The following NKAIN2 variants were observed in gnomAD, a reference collection of about 807,000 sequenced individuals.
NKAIN2 encodes sodium/potassium-transporting ATPase subunit beta-1-interacting protein 2.
In NKAIN2, 14 loss-of-function variants were observed where a neutral mutation model predicts 32.6. That is an observed-to-expected ratio of 0.43 (90% CI 0.28 to 0.67). The LOEUF (loss-of-function observed/expected upper bound fraction) is 0.67, where lower values mean the gene tolerates loss of function less well. NKAIN2 is among the 30% of genes least tolerant of loss of function. The pLI, the probability that NKAIN2 is intolerant of heterozygous loss-of-function variation, is 0.17. For missense variants in NKAIN2, 198 were observed against 258.3 expected, an observed-to-expected ratio of 0.77 and a Z score of 1.60; for synonymous variants, 80 against 87.2, an observed-to-expected ratio of 0.92 and a Z score of 0.46.
intron 1 of NKAIN2, among the ~76,000 whole-genome samples, chr6:123,905,921 G>T (rs1774844477): frequency 6.6e-6 from 1 of 152,120 alleles, no homozygotes; most frequent in Admixed American, 6.5e-5. Flanking sequence ...TGTTAGTTTA[G>T]TGTGTATGTC....
At position 124,588,112 on chromosome 6, in the gene NKAIN2, G is replaced by A. The variant is rs186663710; in HGVS notation, c.274-70074G>A. 1.7e-3 allele frequency among the ~76,000 whole-genome samples: 255 copies of A among 152,158 alleles called. 1 individual carries two copies. The highest frequency in any genetic ancestry group is 4.1e-3 in the African/African-American group (172 of 41,500). The stretch of plus-strand genomic sequence containing the variant: ...TTGACTCTGTGTCATTTAAGTCTCC[G>A]TGACTTTTTATAGGTACAGATTTTA... On this transcript the variant is annotated intron_variant, in intron 3 of 6. Transcript: ENST00000368417.
At chr6:123,884,677 A>G (rs977118752) in intron 1 of NKAIN2, among the ~76,000 whole-genome samples, 2 of 152,076 alleles carry the variant, frequency 1.3e-5, no homozygotes, top group African/African-American at 2.4e-5. Context: ...TTTTAGGTTA[A>G]CAGTTTACAG....
chr6:124,625,010 T>TAAG (rs1021326308), intron 3 of NKAIN2, among the ~76,000 whole-genome samples: 1 of 152,174 alleles, frequency 6.6e-6, no homozygotes, highest in African/African-American at 2.4e-5. Context: ...AGTTCTATAC[T>TAAG]AAGATAATTA....
At chr6:124,104,866 C>T (rs1050831018) in intron 1 of NKAIN2, among the ~76,000 whole-genome samples, 1 of 152,186 alleles carries the variant, frequency 6.6e-6, no homozygotes, top group Non-Finnish European at 1.5e-5. Context: ...TGCTATGACA[C>T]AGGTAGCTAG....
intron 1 of NKAIN2, among the ~76,000 whole-genome samples, chr6:124,109,240 T>C (rs565696386): frequency 6.6e-6 from 1 of 152,120 alleles, no homozygotes; most frequent in African/African-American, 2.4e-5. Flanking sequence ...AATGCAGTGT[T>C]TTTTTGTAAA....
intron 4 of NKAIN2, among the ~76,000 whole-genome samples, chr6:124,682,327 T>G (rs1475480966): frequency 6.6e-6 from 1 of 152,102 alleles, no homozygotes; most frequent in Non-Finnish European, 1.5e-5. Flanking sequence ...TTAGAAAACT[T>G]CAAAAAGCTT....
intron 2 of NKAIN2, among the ~76,000 whole-genome samples, chr6:124,285,216 G>C (rs1247987368): frequency 6.6e-6 from 1 of 152,140 alleles, no homozygotes; most frequent in Non-Finnish European, 1.5e-5. Context: ...GGCTGGAGAT[G>C]ATGTAAATGA....
chr6:124,399,402 TC>T (rs1309691117), intron 3 of NKAIN2, among the ~76,000 whole-genome samples: 2 of 152,210 alleles, frequency 1.3e-5, no homozygotes, highest in Non-Finnish European at 2.9e-5. Flanking sequence ...TAGATTATCT[TC>T]CTCTGTGGCC....
intron 3 of NKAIN2, among the ~76,000 whole-genome samples, chr6:124,531,656 T>C (rs1409352983): frequency 2.0e-5 from 3 of 152,088 alleles, no homozygotes; most frequent in Non-Finnish European, 4.4e-5. Context: ...TATTTGAAAG[T>C]TTTTAAGTCA....
At position 123,900,340 on chromosome 6, in the gene NKAIN2, G is replaced by A. The variant is rs1774500601; in HGVS notation, c.54+96086G>A. ...CAAAAAATATTAGCTAGGCACGGTG[G>A]CACGTGCCTGTAGTCCCAGCTACTT... On this transcript the variant is annotated intron_variant, in intron 1 of 6. Transcript: ENST00000368417. 1.3e-5 allele frequency among the ~76,000 whole-genome samples: 2 copies of A among 151,728 alleles called. 1 individual carries two copies. The highest frequency in any genetic ancestry group is 4.2e-4 in the South Asian group (2 of 4,802).
chr6:123,838,573 G>A (rs762341050), intron 1 of NKAIN2, among the ~76,000 whole-genome samples: 10 of 152,212 alleles, frequency 6.6e-5, no homozygotes, highest in Admixed American at 4.6e-4. Context: ...GTAAAATGCC[G>A]TTTGATGAAA....
At chr6:124,235,456 G>T (rs1289067953) in intron 1 of NKAIN2, among the ~76,000 whole-genome samples, 1 of 152,084 alleles carries the variant, frequency 6.6e-6, no homozygotes, top group African/African-American at 2.4e-5. Flanking sequence ...CATTATGAAA[G>T]TAAGATTATA....
At chr6:124,465,812 A>C (rs2114659642) in intron 3 of NKAIN2, among the ~76,000 whole-genome samples, 1 of 152,194 alleles carries the variant, frequency 6.6e-6, no homozygotes, top group Admixed American at 6.6e-5. Flanking sequence ...ATGGAAAAAT[A>C]ATAATATATT....
At chr6:124,412,015 G>T (rs908024051) in intron 3 of NKAIN2, among the ~76,000 whole-genome samples, 2 of 152,092 alleles carry the variant, frequency 1.3e-5, no homozygotes, top group Non-Finnish European at 2.9e-5. Context: ...TTCTCGTGCC[G>T]TGGTTTTCAG....
intron 5 of NKAIN2, chr6:124,804,539 C>T (rs956274474): frequency 2.7e-5 from 9 of 327,360 alleles, no homozygotes; most frequent in Admixed American, 6.5e-5. Context: ...GGAACAGCTC[C>T]GGTCTACAGC....
At chr6:124,624,311 TAGA>T (rs1204319456) in intron 3 of NKAIN2, among the ~76,000 whole-genome samples, 1 of 152,132 alleles carries the variant, frequency 6.6e-6, no homozygotes, top group African/African-American at 2.4e-5. Context: ...TTGTCCACTC[TAGA>T]AGAATAAGAG....
intron 3 of NKAIN2, among the ~76,000 whole-genome samples, chr6:124,576,887 G>A (rs1031794601): frequency 2.0e-5 from 3 of 152,038 alleles, no homozygotes; most frequent in Non-Finnish European, 4.4e-5. Context: ...ACAAAACAGA[G>A]AAGAAAACTT....
chr6:124,518,307 A>AG (rs1778999649), intron 3 of NKAIN2, among the ~76,000 whole-genome samples: 1 of 148,988 alleles, frequency 6.7e-6, no homozygotes, highest in Non-Finnish European at 1.5e-5. Flanking sequence ...AAAAAAAAAA[A>AG]GATAGAAAAG....
At chr6:124,222,177 A>G (rs1227976353) in intron 1 of NKAIN2, among the ~76,000 whole-genome samples, 1 of 152,180 alleles carries the variant, frequency 6.6e-6, no homozygotes, top group Non-Finnish European at 1.5e-5. Flanking sequence ...AAAAGCAAAG[A>G]CAACTGGATG....
Sources: gnomAD v4.1 joint callset for allele counts (sites outside exome capture counted in the v4.1 genomes callset) on GRCh38, gnomAD v4.1.1 for gene constraint, MANE v1.5 for transcripts, NCBI Gene and HGNC (gene_info 2026-07-23, HGNC 2026-07-21) for gene names.